CCNI: variants seen among roughly 807,000 people sequenced by gnomAD.
The protein encoded by CCNI is cyclin-I.
Under a neutral mutation model 34.1 loss-of-function variants are expected in CCNI, and 14 were observed. The observed-to-expected ratio is 0.41, with a 90% CI of 0.27 to 0.64. The LOEUF is 0.64. Ranked by LOEUF, CCNI falls within the 30% of genes least tolerant of loss-of-function variation. CCNI has a pLI of 0.31. For missense variants in CCNI, 385 were observed against 440.5 expected (o/e 0.87, Z 1.13); for synonymous variants, 154 against 158.4 (o/e 0.97, Z 0.21).
chr4:77,052,336 A>G (rs1441084676), intron 6 of CCNI, among the ~76,000 whole-genome samples: 1 of 152,200 alleles, frequency 6.6e-6, no homozygotes. Flanking sequence ...TTTAAACTAG[A>G]ACATGTACTT....
At position 77,048,207 on chromosome 4, in the gene CCNI, C is replaced by T. The variant is rs1727565405; in HGVS notation, c.*12G>A. ...TACCTTAGTTTACACTCAAAGGTAG[C>T]ACTTGTTGAAACTACATGACAGAAA... On this transcript the variant is annotated 3_prime_UTR_variant, in exon 7 of 7. Transcript: ENST00000237654. 1 of 1,604,518 alleles carries T rather than the reference C, an allele frequency of 6.2e-7. No individual in the cohort carries two copies. Among genetic ancestry groups the T allele is most frequent in the East Asian group, 2.2e-5 (1 of 44,810 alleles).
At chr4:77,052,411 AGT>A (rs1727921037) in intron 6 of CCNI, among the ~76,000 whole-genome samples, 1 of 152,190 alleles carries the variant, frequency 6.6e-6, no homozygotes. Flanking sequence ...TAACAGCCTG[AGT>A]TTATAAGGCT....
chr4:77,056,775 T>C (rs758954335), intron 3 of CCNI, among the ~76,000 whole-genome samples: 11 of 152,042 alleles, frequency 7.2e-5, no homozygotes, highest in African/African-American at 9.6e-5. Context: ...GTATTTTTAG[T>C]AGAGACGGGG....
intron 1 of CCNI, among the ~76,000 whole-genome samples, chr4:77,074,223 G>A (rs1035318764): frequency 1.3e-5 from 2 of 152,164 alleles, no homozygotes; most frequent in African/African-American, 4.8e-5. Flanking sequence ...TGTAACTGCA[G>A]ATCATTTTTA....
chr4:77,048,140 C>T lies in CCNI; in HGVS notation c.*79G>A. ...GCCTGTTAAGGTATATTTCCTTCTACAGCCTTTCCTGATTTTGCATGTTCT... is the reference window on the plus strand; with the variant it reads ...GCCTGTTAAGGTATATTTCCTTCTATAGCCTTTCCTGATTTTGCATGTTCT... On this transcript the variant is annotated 3_prime_UTR_variant, in exon 7 of 7. Transcript: ENST00000237654. 9.2e-7 allele frequency: 1 copy of T among 1,081,182 alleles called. No homozygotes were observed. Among genetic ancestry groups the T allele is most frequent in the South Asian group, 1.5e-5 (1 of 68,332 alleles). The allele number at this position is 1,081,182 out of a possible 1,614,324, so 67.0% of individuals were successfully genotyped here.
At chr4:77,062,571 A>AT (rs1728687384) in intron 2 of CCNI, among the ~76,000 whole-genome samples, 2 of 152,124 alleles carry the variant, frequency 1.3e-5, no homozygotes, top group African/African-American at 4.8e-5. Context: ...GAAAAAAAAA[A>AT]AAAATTAAAT....
In CCNI at chr4:77,048,301, C is replaced by A; in HGVS notation, c.1052G>T (p.Gly351Val). ...TGATAAATCAGTGCCACACACAGAACCCACATTTTCTGAGACATTATCTTC... is the reference window on the plus strand; with the variant it reads ...TGATAAATCAGTGCCACACACAGAAACCACATTTTCTGAGACATTATCTTC... ...YNEDNVSENV[G>V]SVCGTDLSRQ... The change falls in exon 7 of 7, where the codon GGT (glycine) becomes GTT (valine). Residue 351 changes from glycine (G) to valine (V), a missense_variant. Transcript: ENST00000237654. 1.2e-6 allele frequency: 2 copies of A among 1,613,994 alleles called. No homozygotes were observed. Among genetic ancestry groups the A allele is most frequent in the Non-Finnish European group, 1.7e-6 (2 of 1,179,952 alleles).
chr4:77,058,278 C>T (rs1230181460), intron 3 of CCNI, among the ~76,000 whole-genome samples: 1 of 152,092 alleles, frequency 6.6e-6, no homozygotes, highest in Non-Finnish European at 1.5e-5. Context: ...TTGCTTGAAC[C>T]CAGGAGGCAG....
chr4:77,048,003 T>G lies in CCNI; in HGVS notation c.*216A>C. The stretch of plus-strand genomic sequence containing the variant: ...TAAGTTTAAAAAAAGTTTGGATCTT[T>G]TGGATTTCTTTTTTTTTTTTTTGGT... On this transcript the variant is annotated 3_prime_UTR_variant, in exon 7 of 7. Coordinates refer to ENST00000237654, the MANE Select transcript of CCNI (RefSeq NM_006835.3). The G allele has an allele frequency of 2.4e-6, 1 of 416,160 alleles. No individual in the cohort carries two copies. The highest frequency in any genetic ancestry group is 4.2e-6 in the Non-Finnish European group (1 of 235,308). 25.8% of individuals were successfully genotyped at this position (416,160 alleles called of 1,614,324 possible).
intron 2 of CCNI, chr4:77,066,033 A>C (rs1729011165): frequency 2.3e-6 from 1 of 437,508 alleles, no homozygotes; most frequent in East Asian, 4.7e-5. Flanking sequence ...CCCGGGAGGC[A>C]GGGGTTGCAG....
intron 1 of CCNI, among the ~76,000 whole-genome samples, chr4:77,067,555 G>T (rs1297916453): frequency 1.3e-5 from 2 of 151,992 alleles, no homozygotes; most frequent in African/African-American, 4.8e-5. Context: ...GTACAGTGGT[G>T]TAGTGGCTCA....
At chr4:77,071,821 C>CA (rs1161147154) in intron 1 of CCNI, among the ~76,000 whole-genome samples, 3 of 150,894 alleles carry the variant, frequency 2.0e-5, no homozygotes, top group Non-Finnish European at 4.4e-5. Flanking sequence ...GAGATGATTC[C>CA]AAAAAAACAA....
intron 6 of CCNI, among the ~76,000 whole-genome samples, chr4:77,053,975 T>C (rs1371764614): frequency 3.3e-5 from 5 of 152,156 alleles, no homozygotes; most frequent in Non-Finnish European, 7.4e-5. Context: ...AAACAGCCCA[T>C]GTTACACTAC....
At chr4:77,067,666 GGT>G (rs1016545381) in intron 1 of CCNI, among the ~76,000 whole-genome samples, 6 of 139,364 alleles carry the variant, frequency 4.3e-5, no homozygotes, top group Non-Finnish European at 1.6e-5. Flanking sequence ...AATTTTGTGG[GGT>G]TTTTTTTTTT....
chr4:77,054,031 T>C lies in CCNI; in HGVS notation c.690+1119A>G, dbSNP rs1389376717. 4.6e-5 allele frequency among the ~76,000 whole-genome samples: 7 copies of C among 152,302 alleles called. No individual in the cohort carries two copies. The East Asian group carries it at 1.3e-3, about 29-fold the overall frequency. On this transcript the variant is annotated intron_variant, in intron 6 of 6. Transcript: ENST00000237654. The stretch of plus-strand genomic sequence containing the variant: ...CATACTGCTCTGATCATCAACCTTT[T>C]TATGAAAAGACTGAGCTCCCCTCTG...
At position 77,066,405 on chromosome 4, in the gene CCNI, C is replaced by T; in HGVS notation, c.-43G>A. ...CCTGCTACCCAGCTTGCTGTAGCTA[C>T]CTACAGAATCAAGTAAGTTTTAAAA... On this transcript the variant is annotated splice_region_variant and 5_prime_UTR_variant, in exon 2 of 7. Coordinates refer to ENST00000237654, the MANE Select transcript of CCNI (RefSeq NM_006835.3). The T allele has an allele frequency of 6.2e-7, 1 of 1,607,316 alleles. No homozygotes were observed.
At chr4:77,058,859 A>G (rs1728414579) in intron 2 of CCNI, among the ~76,000 whole-genome samples, 1 of 152,320 alleles carries the variant, frequency 6.6e-6, no homozygotes, top group African/African-American at 2.4e-5. Flanking sequence ...TAAAATTTTC[A>G]CTATGTCATC....
chr4:77,050,190 C>T (rs1461430953), intron 6 of CCNI, among the ~76,000 whole-genome samples: 2 of 152,134 alleles, frequency 1.3e-5, no homozygotes, highest in Admixed American at 1.3e-4. Flanking sequence ...TTGTATTGCG[C>T]ATTCCTTCCA....
chr4:77,061,168 A>G (rs4252855), intron 2 of CCNI, among the ~76,000 whole-genome samples: 15,628 of 152,252 alleles, frequency 0.1, 1,021 homozygotes, highest in South Asian at 0.17. Context: ...AATCCAAAAG[A>G]TAACAGTTTA....
Sources: gnomAD v4.1 joint callset for allele counts (sites outside exome capture counted in the v4.1 genomes callset) on GRCh38, gnomAD v4.1.1 for gene constraint, MANE v1.5 for transcripts, NCBI Gene and HGNC (gene_info 2026-07-23, HGNC 2026-07-21) for gene names.